Variants in SERAC1 observed in about 807,000 individuals in gnomAD.
SERAC1 encodes serine active site containing 1, also known as protein SERAC1.
In SERAC1, 36 loss-of-function variants were observed where a neutral mutation model predicts 85.7. The observed-to-expected ratio is 0.42, with a 90% CI of 0.32 to 0.55. The LOEUF is 0.55. SERAC1 is among the 20% of genes least tolerant of loss of function. The pLI, the probability that SERAC1 is intolerant of heterozygous loss-of-function variation, is 0.11. For synonymous variants in SERAC1, 242 were observed against 265.3 expected, an observed-to-expected ratio of 0.91 and a Z score of 0.85; for missense variants, 629 against 796.2, an observed-to-expected ratio of 0.79 and a Z score of 2.53.
chr6:158,164,560 TAAGA>T (rs1255911500), intron 1 of SERAC1, among the ~76,000 whole-genome samples: 3 of 152,084 alleles, frequency 2.0e-5, no homozygotes, highest in Admixed American at 6.5e-5. Flanking sequence ...ATTTTGAGAC[TAAGA>T]AAGACACAGA....
chr6:158,111,630 AAGG>A, intron 16 of SERAC1, 128 bp from the exon 17 acceptor site: 3 of 630,734 alleles, frequency 4.8e-6, no homozygotes. Context: ...TTAAAAGATA[AAGG>A]AACCTGAAGT....
intron 12 of SERAC1, among the ~76,000 whole-genome samples, chr6:158,118,618 CAAAA>C (rs576637812): frequency 5.5e-5 from 5 of 90,390 alleles, no homozygotes; most frequent in Admixed American, 1.3e-4. Context: ...ACCCTCATCT[CAAAA>C]AAAAAAAAAA....
intron 2 of SERAC1, 45 bp downstream of exon 2, chr6:158,158,228 T>C (rs931785707): frequency 8.4e-6 from 12 of 1,422,320 alleles, no homozygotes; most frequent in Non-Finnish European, 1.2e-5. Context: ...CACAATTCTA[T>C]CACTGTTCCT....
chr6:158,148,372 TAAGG>T (rs1267548830), intron 5 of SERAC1, among the ~76,000 whole-genome samples: 1 of 152,130 alleles, frequency 6.6e-6, no homozygotes, highest in Non-Finnish European at 1.5e-5. Flanking sequence ...CACAATTACC[TAAGG>T]AAGGAAGAAA....
At chr6:158,158,626 T>C in intron 1 of SERAC1, 1 of 308,380 alleles carries the variant, frequency 3.2e-6, no homozygotes, top group South Asian at 5.1e-5. Context: ...ATTGGAAAGA[T>C]GATCTAAATA....
rs574735577 is a variant in SERAC1, at chr6:158,111,274, T to C, written c.*92A>G. ...GACCATGTTGACGCTATGATCACTA[T>C]GTTTGCATGATTGCATAGAGCTTAA... On this transcript the variant is annotated 3_prime_UTR_variant, in exon 17 of 17. Transcript: ENST00000647468. 5.4e-5 allele frequency: 64 copies of C among 1,187,314 alleles called. No individual in the cohort carries two copies. Among genetic ancestry groups the C allele is most frequent in the Admixed American group, 2.4e-5 (1 of 41,568 alleles). 73.5% of individuals were successfully genotyped at this position (1,187,314 alleles called of 1,614,324 possible).
chr6:158,162,132 GTGTC>G (rs1450238903), intron 1 of SERAC1: 1 of 152,142 alleles, frequency 6.6e-6, no homozygotes, highest in African/African-American at 2.4e-5. Context: ...AGTTGTCTCT[GTGTC>G]TGTCTTCTTA....
Position 158,117,837 on chromosome 6 carries a change from C to T in SERAC1, c.1309-16G>A. The T allele has an allele frequency of 3.1e-6, 5 of 1,594,430 alleles. No homozygotes were observed. Among genetic ancestry groups the T allele is most frequent in the Non-Finnish European group, 4.3e-6 (5 of 1,163,302 alleles). On this transcript the variant is annotated splice_polypyrimidine_tract_variant and intron_variant, in intron 12 of 16. Transcript: ENST00000647468. The surrounding 1 kb of genome is among the most constrained non-coding windows in gnomAD (Gnocchi z 4.3). ...CTAACCATGTCTAAGTAAAATAAAA[C>T]ATATGTGAGAACAAGTATGAATCTT...
chr6:158,126,452 G>A (rs1011529153), intron 10 of SERAC1, among the ~76,000 whole-genome samples: 3 of 152,074 alleles, frequency 2.0e-5, no homozygotes, highest in Admixed American at 1.3e-4. Context: ...TTAAAAATAG[G>A]AATTCATGTA....
In SERAC1 at chr6:158,129,706, T is replaced by G. The variant is rs113150984; in HGVS notation, c.852+667A>C. Among the ~76,000 whole-genome samples the G allele has an allele frequency of 3.4e-3, 512 of 151,652 alleles. 2 individuals carry two copies. Among genetic ancestry groups the G allele is most frequent in the African/African-American group, 1.0e-2 (413 of 41,384 alleles). On this transcript the variant is annotated intron_variant, in intron 9 of 16. Transcript: ENST00000647468. ...TCCTTGTTTTTTTTTGTTTTGTTTT[T>G]TTTTTTTTGAGATGGAGTCTTGCTC...
At chr6:158,136,422 C>A (rs544058550) in intron 8 of SERAC1, among the ~76,000 whole-genome samples, 1 of 152,282 alleles carries the variant, frequency 6.6e-6, no homozygotes, top group African/African-American at 2.4e-5. Flanking sequence ...AACCCTGTTC[C>A]AAAACCAAGC....
At chr6:158,158,597 A>G (rs1785413706) in intron 1 of SERAC1, 1 of 361,606 alleles carries the variant, frequency 2.8e-6, no homozygotes, top group Admixed American at 4.3e-5. Flanking sequence ...ACTGTGTCCA[A>G]TTGTGCATAG....
rs1562435692 is a variant in SERAC1, at chr6:158,120,405, ACT to A, written c.1166+18_1166+19del. On this transcript the variant is annotated intron_variant, in intron 11 of 16. Transcript: ENST00000647468. The surrounding 1 kb of genome is among the most constrained non-coding windows in gnomAD (Gnocchi z 4.4). ...TCACATTTCCAAAGGGGACAAAGCA[ACT>A]CTCTTCTGCTTCCTTACCTTGTTCG... 17 of 1,602,902 alleles carry A rather than the reference ACT, an allele frequency of 1.1e-5. No individual in the cohort carries two copies. Among genetic ancestry groups the A allele is most frequent in the Non-Finnish European group, 1.4e-5 (17 of 1,173,264 alleles).
chr6:158,115,223 TCA>T (rs770129126), intron 14 of SERAC1, among the ~76,000 whole-genome samples: 15 of 152,216 alleles, frequency 9.9e-5, no homozygotes, highest in East Asian at 9.6e-4. Context: ...GAGCCTTGTC[TCA>T]CAGGATCTAC....
intron 3 of SERAC1, among the ~76,000 whole-genome samples, chr6:158,151,897 G>A (rs1009209704): frequency 2.6e-5 from 4 of 151,884 alleles, no homozygotes; most frequent in Non-Finnish European, 4.4e-5. Context: ...ACAGTAAGCT[G>A]AGGTTAATTA....
chr6:158,141,182 G>T (rs1265091471), intron 8 of SERAC1, among the ~76,000 whole-genome samples: 1 of 152,158 alleles, frequency 6.6e-6, no homozygotes, highest in African/African-American at 2.4e-5. Context: ...AGTGAAGGAA[G>T]TCAGACACAA....
rs776226280 is a variant in SERAC1 at position 158,128,131 on chromosome 6, A to C, written c.992T>G (p.Leu331Arg). 8 of 1,614,122 alleles carry C rather than the reference A, an allele frequency of 5.0e-6. No homozygotes were observed. Among genetic ancestry groups the C allele is most frequent in the Non-Finnish European group, 5.1e-6 (6 of 1,179,980 alleles). The change falls in exon 10 of 17, where the codon CTT becomes CGT. Residue 331 changes from leucine (L) to arginine (R), a missense_variant. Leu to Arg is a moderately radical substitution (Grantham distance 102, BLOSUM62 -2). Coordinates refer to ENST00000647468, the MANE Select transcript of SERAC1 (RefSeq NM_032861.4). Reference sequence around the variant, plus strand: ...ACCTGAGCGAACTATAGAAGAATGAAGATGTTCATTCAAAGCCATATTTCC... The same window carrying C: ...ACCTGAGCGAACTATAGAAGAATGACGATGTTCATTCAAAGCCATATTTCC... ...VIGNMALNEH[L>R]HSSIVRSGWV...
intron 4 of SERAC1, among the ~76,000 whole-genome samples, chr6:158,149,992 A>G (rs1785165380): frequency 6.6e-6 from 1 of 152,168 alleles, no homozygotes; most frequent in South Asian, 2.1e-4. Flanking sequence ...GGAGTGTCCT[A>G]ACTAGTAAAG....
chr6:158,155,360 G>T lies in SERAC1; in HGVS notation c.92-9C>A, dbSNP rs1562458754. 8 of 1,513,022 alleles carry T rather than the reference G, an allele frequency of 5.3e-6. No homozygotes were observed. The highest frequency in any genetic ancestry group is 7.3e-6 in the Non-Finnish European group (8 of 1,092,404). 93.7% of individuals were successfully genotyped at this position (1,513,022 alleles called of 1,614,324 possible). A position where few individuals can be genotyped will look rare whatever the true frequency, so the allele number is the denominator to read the frequency against. ...AAACTTTATTATATTTCCTTCAAAA[G>T]AAAAAAAGTCAATGTGATGAATTTC... On this transcript the variant is annotated splice_polypyrimidine_tract_variant and intron_variant, in intron 2 of 16. Coordinates refer to ENST00000647468, the MANE Select transcript of SERAC1 (RefSeq NM_032861.4).
Sources: gnomAD v4.1 joint callset for allele counts (sites outside exome capture counted in the v4.1 genomes callset) on GRCh38, gnomAD v4.1.1 for gene constraint, Gnocchi (gnomAD v3.1) non-coding constraint, MANE v1.5 for transcripts, NCBI Gene and HGNC (gene_info 2026-07-23, HGNC 2026-07-21) for gene names.